C10orf67: variants seen among roughly 807,000 people sequenced by gnomAD.
C10orf67 encodes chromosome 10 open reading frame 67, also known as uncharacterized protein C10orf67, mitochondrial.
In C10orf67, 60 loss-of-function variants were observed where a neutral mutation model predicts 35.6. The ratio of observed to expected loss-of-function variants is 1.68; its 90% CI spans 1.37 to 2.09. C10orf67 has a LOEUF of 2.09. Ranked by LOEUF, C10orf67 falls within the 30% of genes most tolerant of loss-of-function variation. The probability of loss-of-function intolerance (pLI) is 0.00; values close to 1 mark genes in which losing one functional copy is unlikely to be tolerated. For synonymous variants in C10orf67, 167 were observed against 115.8 expected (o/e 1.44, Z -2.84); for missense variants, 474 against 330.2 (o/e 1.44, Z -3.38).
intron 15 of C10orf67, among the ~76,000 whole-genome samples, chr10:23,223,040 C>A (rs1841628380): frequency 6.6e-6 from 1 of 152,042 alleles, no homozygotes; most frequent in Non-Finnish European, 1.5e-5. Flanking sequence ...AAAGAAATGA[C>A]ATTCCAACTA....
At chr10:23,282,723 T>TAGG (rs1338352125) in intron 7 of C10orf67, among the ~76,000 whole-genome samples, 1 of 152,106 alleles carries the variant, frequency 6.6e-6, no homozygotes, top group Non-Finnish European at 1.5e-5. Context: ...CCAAGCTACT[T>TAGG]CGGAGGCTGA....
intron 8 of C10orf67, among the ~76,000 whole-genome samples, chr10:23,278,826 T>A (rs549492317): frequency 2.0e-5 from 3 of 152,180 alleles, no homozygotes; most frequent in African/African-American, 7.2e-5. Flanking sequence ...AAGAGAGAAA[T>A]CTACCTGCTG....
intron 13 of C10orf67, among the ~76,000 whole-genome samples, chr10:23,226,181 A>G (rs1346090343): frequency 7.9e-5 from 12 of 152,222 alleles, no homozygotes; most frequent in Admixed American, 7.2e-4. Context: ...TTCACCACAT[A>G]GTGGGAAGTA....
At chr10:23,327,317 G>T (rs1343859437) in intron 2 of C10orf67, among the ~76,000 whole-genome samples, 6 of 151,966 alleles carry the variant, frequency 3.9e-5, no homozygotes, top group Non-Finnish European at 8.8e-5. Context: ...AAATTATTAG[G>T]TTGGATTTTT....
intron 4 of C10orf67, chr10:23,316,916 A>C (rs1844736278): frequency 6.6e-6 from 1 of 152,268 alleles, no homozygotes; most frequent in Admixed American, 6.5e-5. Context: ...GGTGGGCCTG[A>C]AAAAAGCACC....
At chr10:23,267,361 T>TA (rs1456947538) in intron 8 of C10orf67, 107 bp from the exon 9 acceptor site, 2 of 550,506 alleles carry the variant, frequency 3.6e-6, no homozygotes, top group Non-Finnish European at 6.5e-6. Context: ...TTTAAACCAT[T>TA]TGTCTCCCAA....
intron 10 of C10orf67, among the ~76,000 whole-genome samples, chr10:23,255,011 C>T (rs1842564658): frequency 6.6e-6 from 1 of 152,160 alleles, no homozygotes. Context: ...ACCTCAATCA[C>T]TTTGACTTTC....
chr10:23,296,257 C>T (rs375143453), intron 5 of C10orf67, among the ~76,000 whole-genome samples: 13 of 151,946 alleles, frequency 8.6e-5, no homozygotes, highest in African/African-American at 2.7e-4. Flanking sequence ...AAGGAAGGGA[C>T]CCAAAGAGGG....
chr10:23,208,019 A>C (rs567654861), intron 15 of C10orf67, among the ~76,000 whole-genome samples: 1 of 152,320 alleles, frequency 6.6e-6, no homozygotes, highest in Admixed American at 6.5e-5. Flanking sequence ...TGCCAATGCA[A>C]TCTGTTCTAA....
At chr10:23,300,079 T>A (rs1485535358) in intron 5 of C10orf67, among the ~76,000 whole-genome samples, 1 of 151,484 alleles carries the variant, frequency 6.6e-6, no homozygotes, top group Non-Finnish European at 1.5e-5. Flanking sequence ...TCTGTGAGGG[T>A]GATGGCATGG....
At chr10:23,304,444 G>T (rs1255795868) in intron 4 of C10orf67, among the ~76,000 whole-genome samples, 1 of 152,106 alleles carries the variant, frequency 6.6e-6, no homozygotes, top group African/African-American at 2.4e-5. Flanking sequence ...CCAGAGATCT[G>T]CCAGGAAACA....
At chr10:23,253,220 G>T (rs1842508050) in intron 10 of C10orf67, among the ~76,000 whole-genome samples, 1 of 152,360 alleles carries the variant, frequency 6.6e-6, no homozygotes, top group South Asian at 2.1e-4. Context: ...GAATTTGAGA[G>T]AGGGGTTGAT....
chr10:23,344,336 G>C (rs965030613), intron 1 of C10orf67: 14 of 576,840 alleles, frequency 2.4e-5, no homozygotes, highest in Non-Finnish European at 4.0e-5. Context: ...GAGCACGCGC[G>C]GGAGGAGGGG....
intron 15 of C10orf67, 103 bp downstream of exon 15, chr10:23,223,495 C>T (rs1406800263): frequency 2.9e-6 from 2 of 689,636 alleles, no homozygotes; most frequent in Admixed American, 2.2e-5. Flanking sequence ...CATGCATTCA[C>T]CCAGAATACC....
intron 15 of C10orf67, among the ~76,000 whole-genome samples, chr10:23,216,945 A>C (rs1483095111): frequency 1.3e-5 from 2 of 152,158 alleles, no homozygotes; most frequent in Non-Finnish European, 2.9e-5. Flanking sequence ...GGCAAAATCT[A>C]ATAGAGCCAG....
intron 1 of C10orf67, among the ~76,000 whole-genome samples, chr10:23,333,757 G>A (rs1200935884): frequency 6.6e-6 from 1 of 152,290 alleles, no homozygotes; most frequent in East Asian, 1.9e-4. Context: ...GCATGGAAAA[G>A]CTTTGCAAAA....
chr10:23,213,560 C>A (rs1588576603), intron 15 of C10orf67, among the ~76,000 whole-genome samples: 1 of 152,126 alleles, frequency 6.6e-6, no homozygotes, highest in East Asian at 1.9e-4. Context: ...TGCTAAATTA[C>A]CATCAAAGAG....
At chr10:23,221,055 C>G (rs894770767) in intron 15 of C10orf67, among the ~76,000 whole-genome samples, 1 of 152,076 alleles carries the variant, frequency 6.6e-6, no homozygotes, top group African/African-American at 2.4e-5. Flanking sequence ...CTGTATTAGT[C>G]CATTCTCATG....
At chr10:23,332,798 A>G (rs1407446140) in intron 2 of C10orf67, among the ~76,000 whole-genome samples, 1 of 152,242 alleles carries the variant, frequency 6.6e-6, no homozygotes, top group Non-Finnish European at 1.5e-5. Context: ...AAAGTGTCAT[A>G]AATAGAAAAT....
Sources: gnomAD v4.1 joint callset for allele counts (sites outside exome capture counted in the v4.1 genomes callset) on GRCh38, gnomAD v4.1.1 for gene constraint, MANE v1.5 for transcripts, NCBI Gene and HGNC (gene_info 2026-07-23, HGNC 2026-07-21) for gene names.